The following JADE1 variants were observed in gnomAD, a reference collection of about 807,000 sequenced individuals.
The protein encoded by JADE1 is protein Jade-1.
JADE1 carries 14 observed loss-of-function variants against 81.8 expected under a neutral mutation model. That is an observed-to-expected ratio of 0.17 (90% CI 0.11 to 0.27). The LOEUF is 0.27. Ranked by LOEUF, JADE1 falls within the 10% of genes least tolerant of loss-of-function variation. The pLI is 1.00. For synonymous variants in JADE1, 353 were observed against 391.9 expected (o/e 0.90, Z 1.17); for missense variants, 690 against 1,047.9 (o/e 0.66, Z 4.71).
intron 1 of JADE1, among the ~76,000 whole-genome samples, chr4:128,812,617 A>C (rs1726567772): frequency 6.6e-6 from 1 of 152,110 alleles, no homozygotes; most frequent in Non-Finnish European, 1.5e-5. Flanking sequence ...TTCCCACCCC[A>C]AGCGGGTGGG....
chr4:128,812,464 C>G (rs918202878), intron 1 of JADE1, among the ~76,000 whole-genome samples: 1 of 152,024 alleles, frequency 6.6e-6, no homozygotes, highest in African/African-American at 2.4e-5. Context: ...TTGCTGGGAT[C>G]CTTAGCCTTC....
intron 1 of JADE1, 75 bp from the exon 2 acceptor site, chr4:128,831,657 TG>T (rs1728566463): frequency 7.9e-7 from 1 of 1,273,152 alleles, no homozygotes; most frequent in South Asian, 1.2e-5. Flanking sequence ...CTGTAAATCC[TG>T]GGCTGCCATC....
intron 2 of JADE1, among the ~76,000 whole-genome samples, chr4:128,832,756 T>C (rs1363314597): frequency 6.6e-6 from 1 of 152,238 alleles, no homozygotes; most frequent in Non-Finnish European, 1.5e-5. Flanking sequence ...GATGAAATAC[T>C]TTTTAGGCAA....
chr4:128,827,046 C>G (rs1378972646), intron 1 of JADE1, among the ~76,000 whole-genome samples: 1 of 152,114 alleles, frequency 6.6e-6, no homozygotes, highest in Admixed American at 6.5e-5. Flanking sequence ...GCCATAAACC[C>G]CTTATCCTTG....
chr4:128,865,470 T>A (rs913946690), intron 9 of JADE1, among the ~76,000 whole-genome samples: 2 of 152,078 alleles, frequency 1.3e-5, no homozygotes, highest in Non-Finnish European at 2.9e-5. Context: ...TGGGAGAAGA[T>A]AAAGCAGGGG....
chr4:128,859,555 GTA>G (rs1731140179), intron 8 of JADE1, among the ~76,000 whole-genome samples: 5 of 109,464 alleles, frequency 4.6e-5, no homozygotes, highest in Admixed American at 2.8e-4. Context: ...GTGTATATGT[GTA>G]TGTGTGTGAG....
intron 2 of JADE1, among the ~76,000 whole-genome samples, chr4:128,838,981 G>A (rs73850004): frequency 0.038 from 5,724 of 152,176 alleles, 296 homozygotes; most frequent in African/African-American, 0.12. Context: ...TCAAACGCAT[G>A]TCTTCTATTA....
At position 128,873,043 on chromosome 4, in the gene JADE1, C is replaced by G; in HGVS notation, c.*781C>G. 2.6e-6 allele frequency: 1 copy of G among 391,846 alleles called. No homozygotes were observed. 24.3% of individuals were successfully genotyped at this position (391,846 alleles called of 1,614,324 possible). On this transcript the variant is annotated 3_prime_UTR_variant, in exon 11 of 11. Coordinates refer to ENST00000226319, the MANE Select transcript of JADE1 (RefSeq NM_199320.4). ...TAGAATTTTTACCAGTCCACTTGACCTTCTTCTTCCCTAACCACTGGCTCT... is the reference window on the plus strand; with the variant it reads ...TAGAATTTTTACCAGTCCACTTGACGTTCTTCTTCCCTAACCACTGGCTCT...
intron 5 of JADE1, among the ~76,000 whole-genome samples, chr4:128,849,953 G>A (rs1310050689): frequency 6.6e-6 from 1 of 152,100 alleles, no homozygotes; most frequent in Middle Eastern, 3.2e-3. Context: ...TACACGGTGG[G>A]GAGGTGGTGG....
intron 1 of JADE1, among the ~76,000 whole-genome samples, chr4:128,811,682 C>G (rs2125775608): frequency 6.8e-6 from 1 of 147,672 alleles, no homozygotes; most frequent in African/African-American, 2.4e-5. Flanking sequence ...CCGCGCCCGC[C>G]CCGCACAAAG....
chr4:128,812,264 C>T (rs898188562), intron 1 of JADE1, among the ~76,000 whole-genome samples: 5 of 152,012 alleles, frequency 3.3e-5, no homozygotes, highest in Non-Finnish European at 5.9e-5. Context: ...GAGTTACTTT[C>T]CCCTCCTCCC....
At chr4:128,845,123 C>T (rs1360989972) in intron 3 of JADE1, among the ~76,000 whole-genome samples, 1 of 152,226 alleles carries the variant, frequency 6.6e-6, no homozygotes, top group African/African-American at 2.4e-5. Flanking sequence ...TCTTATGCAG[C>T]CTTAGACACC....
At chr4:128,824,360 C>T (rs1032695980) in intron 1 of JADE1, among the ~76,000 whole-genome samples, 8 of 152,154 alleles carry the variant, frequency 5.3e-5, no homozygotes, top group Admixed American at 2.0e-4. Flanking sequence ...GCGGAGCTTG[C>T]AGTGAGCTGA....
chr4:128,871,967 T>G lies in JADE1; in HGVS notation c.2234T>G (p.Val745Gly). The change falls in exon 11 of 11, where the codon GTG becomes GGG. Residue 745 changes from valine to glycine, a missense_variant. Val to Gly is a moderately radical substitution (Grantham distance 109, BLOSUM62 -3). Around this residue, in one of 8 missense-constraint regions of JADE1, gnomAD observed 218 missense variants for 274.3 expected, o/e 0.79. Coordinates refer to ENST00000226319, the MANE Select transcript of JADE1 (RefSeq NM_199320.4). The surrounding 1 kb of genome is among the most constrained non-coding windows in gnomAD (Gnocchi z 4.1). ...GTGCCTACAACACCTGCCAGCCCAGTGAAAAACTGGGGAGGATTCCGGATT... is the reference window on the plus strand; with the variant it reads ...GTGCCTACAACACCTGCCAGCCCAGGGAAAAACTGGGGAGGATTCCGGATT... ...VKVPTTPASP[V>G]KNWGGFRIPK... The G allele has an allele frequency of 6.2e-7, 1 of 1,613,674 alleles. No homozygotes were observed. Among genetic ancestry groups the G allele is most frequent in the South Asian group, 1.1e-5 (1 of 91,056 alleles).
chr4:128,840,729 C>G (rs1227674353), intron 2 of JADE1, among the ~76,000 whole-genome samples: 2 of 152,216 alleles, frequency 1.3e-5, no homozygotes, highest in African/African-American at 4.8e-5. Flanking sequence ...TTGGGCTCAC[C>G]CCAGTGTGCC....
At chr4:128,864,720 C>CA (rs1731655118) in intron 9 of JADE1, 1 of 484,544 alleles carries the variant, frequency 2.1e-6, no homozygotes, top group African/African-American at 2.1e-5. Flanking sequence ...ATACCTGTGA[C>CA]TACAATCAAG....
At chr4:128,849,441 AG>A (rs1390212235) in intron 5 of JADE1, among the ~76,000 whole-genome samples, 1 of 152,168 alleles carries the variant, frequency 6.6e-6, no homozygotes, top group Non-Finnish European at 1.5e-5. Flanking sequence ...ACTTACCTTA[AG>A]GAAGCTGAAG....
intron 8 of JADE1, among the ~76,000 whole-genome samples, chr4:128,859,427 ATATG>A (rs1731106080): frequency 1.3e-5 from 2 of 151,916 alleles, no homozygotes; most frequent in Non-Finnish European, 2.9e-5. Context: ...GCATGTGTGC[ATATG>A]TATGCATGTG....
At chr4:128,870,324 G>C (rs1422876522) in intron 10 of JADE1, among the ~76,000 whole-genome samples, 2 of 152,042 alleles carry the variant, frequency 1.3e-5, no homozygotes, top group Non-Finnish European at 2.9e-5. Context: ...TCTGTGTCTG[G>C]TGAGCACTAG....
Sources: allele counts gnomAD v4.1 joint callset (sites outside exome capture counted in the v4.1 genomes callset), GRCh38; gene constraint gnomAD v4.1.1; regional missense constraint gnomAD v4.1.1; non-coding constraint Gnocchi (gnomAD v3.1); transcripts MANE v1.5; gene names NCBI Gene and HGNC (gene_info 2026-07-23, HGNC 2026-07-21).